NRG3: variants seen among roughly 807,000 people sequenced by gnomAD.
The protein encoded by NRG3 is neuregulin 3.
NRG3 carries 31 observed loss-of-function variants against 66.9 expected under a neutral mutation model. The observed-to-expected ratio is 0.46, with a 90% CI of 0.35 to 0.63. NRG3 has a LOEUF of 0.63. NRG3 is among the 20% of genes least tolerant of loss of function. NRG3 has a pLI of 0.00. For synonymous variants in NRG3, 393 were observed against 359.4 expected (o/e 1.09, Z -1.06); for missense variants, 910 against 878.9 (o/e 1.04, Z -0.45).
At chr10:81,926,266 C>T (rs1326723647) in intron 1 of NRG3, among the ~76,000 whole-genome samples, 3 of 151,956 alleles carry the variant, frequency 2.0e-5, no homozygotes, top group Admixed American at 6.6e-5. Context: ...TACAGGCACC[C>T]GCAACCATAG....
At chr10:81,947,281 A>T (rs1278629641) in intron 1 of NRG3, among the ~76,000 whole-genome samples, 1 of 151,902 alleles carries the variant, frequency 6.6e-6, no homozygotes, top group Non-Finnish European at 1.5e-5. Flanking sequence ...ATTGAAGCCC[A>T]CTCCAGCAAC....
chr10:82,962,818 G>A (rs956968809), intron 6 of NRG3, among the ~76,000 whole-genome samples: 2 of 152,014 alleles, frequency 1.3e-5, no homozygotes, highest in East Asian at 1.9e-4. Context: ...CAGCCTGGGC[G>A]ACAGAGTGAG....
intron 2 of NRG3, among the ~76,000 whole-genome samples, chr10:82,405,136 A>C (rs548259502): frequency 6.6e-6 from 1 of 152,294 alleles, no homozygotes; most frequent in African/African-American, 2.4e-5. Context: ...AAACAAAGTG[A>C]AAAAGACCTC....
intron 2 of NRG3, among the ~76,000 whole-genome samples, chr10:82,541,663 C>T (rs986415699): frequency 3.9e-5 from 6 of 152,176 alleles, no homozygotes; most frequent in Admixed American, 3.9e-4. Flanking sequence ...CAGGGAGTGG[C>T]TCCGGGCTGT....
chr10:82,174,052 T>C (rs916987636), intron 1 of NRG3, among the ~76,000 whole-genome samples: 5 of 152,154 alleles, frequency 3.3e-5, no homozygotes, highest in Non-Finnish European at 5.9e-5. Context: ...CTACCGGAAA[T>C]TACCTGGAGT....
chr10:82,811,601 G>A (rs2061495448), intron 3 of NRG3, among the ~76,000 whole-genome samples: 1 of 152,296 alleles, frequency 6.6e-6, no homozygotes, highest in East Asian at 1.9e-4. Context: ...AATTTGGGCT[G>A]CACATGCCGA....
At chr10:82,108,248 C>T (rs1203277197) in intron 1 of NRG3, among the ~76,000 whole-genome samples, 2 of 152,172 alleles carry the variant, frequency 1.3e-5, no homozygotes, top group Non-Finnish European at 2.9e-5. Context: ...ATGATATTTC[C>T]AGGACACAGA....
chr10:82,588,512 T>C (rs1373202313), intron 2 of NRG3, among the ~76,000 whole-genome samples: 1 of 152,094 alleles, frequency 6.6e-6, no homozygotes, highest in Non-Finnish European at 1.5e-5. Context: ...CCTTTTTTTT[T>C]TCTTTTTTGA....
At chr10:82,809,874 A>AT (rs753455448) in intron 3 of NRG3, among the ~76,000 whole-genome samples, 6 of 145,778 alleles carry the variant, frequency 4.1e-5, no homozygotes, top group Non-Finnish European at 9.3e-5. Context: ...AAACTTCATT[A>AT]TTTTTTTTAA....
At chr10:82,005,722 A>C (rs745721006) in intron 1 of NRG3, among the ~76,000 whole-genome samples, 1 of 152,160 alleles carries the variant, frequency 6.6e-6, no homozygotes, top group African/African-American at 2.4e-5. Flanking sequence ...CTTACAATGA[A>C]TAAATGCTCT....
chr10:82,251,491 C>T (rs2077485999), intron 1 of NRG3, among the ~76,000 whole-genome samples: 2 of 152,150 alleles, frequency 1.3e-5, no homozygotes, highest in Non-Finnish European at 2.9e-5. Flanking sequence ...TCACAGACTG[C>T]CTGGCTTCAG....
intron 6 of NRG3, among the ~76,000 whole-genome samples, chr10:82,967,614 CTT>C (rs1045109163): frequency 2.6e-5 from 4 of 152,100 alleles, no homozygotes; most frequent in African/African-American, 9.7e-5. Flanking sequence ...TTTTTCCTCT[CTT>C]ACGTGAGACG....
chr10:82,253,798 A>G (rs2077590767), intron 1 of NRG3, among the ~76,000 whole-genome samples: 1 of 152,222 alleles, frequency 6.6e-6, no homozygotes, highest in East Asian at 1.9e-4. Flanking sequence ...TCCTACAAGT[A>G]TTGGTTCATC....
intron 2 of NRG3, among the ~76,000 whole-genome samples, chr10:82,429,252 T>A (rs536915539): frequency 6.6e-6 from 1 of 152,174 alleles, no homozygotes; most frequent in South Asian, 2.1e-4. Context: ...ACAAAACAAG[T>A]ATATTTATAT....
intron 1 of NRG3, among the ~76,000 whole-genome samples, chr10:82,240,778 T>C (rs1379697405): frequency 6.6e-6 from 1 of 152,314 alleles, no homozygotes; most frequent in Non-Finnish European, 1.5e-5. Context: ...AGAGAGGACT[T>C]CTGTCAGTTT....
At chr10:82,477,974 T>C in intron 2 of NRG3, among the ~76,000 whole-genome samples, 1 of 152,274 alleles carries the variant, frequency 6.6e-6, no homozygotes, top group East Asian at 1.9e-4. Context: ...GACTACTCTG[T>C]GGTGGTTGGA....
At chr10:82,579,130 G>A (rs2046205964) in intron 2 of NRG3, among the ~76,000 whole-genome samples, 1 of 151,618 alleles carries the variant, frequency 6.6e-6, no homozygotes, top group Non-Finnish European at 1.5e-5. Context: ...ATTGTAGTGT[G>A]CAGTTAATTA....
At chr10:82,351,349 C>A (rs7077048) in intron 1 of NRG3, among the ~76,000 whole-genome samples, 2 of 152,182 alleles carry the variant, frequency 1.3e-5, no homozygotes, top group Middle Eastern at 3.4e-3. Flanking sequence ...ACACCATCCC[C>A]ACCGTGGATA....
At chr10:82,841,541 C>T (rs911160506) in intron 3 of NRG3, among the ~76,000 whole-genome samples, 3 of 152,158 alleles carry the variant, frequency 2.0e-5, no homozygotes, top group African/African-American at 7.2e-5. Context: ...ATCTGTAGGG[C>T]AGGCCAGCTG....
Sources: allele counts gnomAD v4.1 joint callset (sites outside exome capture counted in the v4.1 genomes callset), GRCh38; gene constraint gnomAD v4.1.1; transcripts MANE v1.5; gene names NCBI Gene and HGNC (gene_info 2026-07-23, HGNC 2026-07-21).